Variants in TCEA1 observed in about 807,000 individuals in gnomAD.
TCEA1 encodes the protein transcription elongation factor A1.
TCEA1 carries 21 observed loss-of-function variants against 43.8 expected under a neutral mutation model. The ratio of observed to expected loss-of-function variants is 0.48; its 90% CI spans 0.34 to 0.69. TCEA1 has a LOEUF of 0.69. TCEA1 is among the 30% of genes least tolerant of loss of function. The pLI is 0.01. For synonymous variants in TCEA1, 104 were observed against 117.5 expected, an observed-to-expected ratio of 0.88 and a Z score of 0.75; for missense variants, 250 against 365.1, an observed-to-expected ratio of 0.68 and a Z score of 2.57.
At chr8:53,991,322 GACA>G (rs1287760347) in intron 4 of TCEA1, among the ~76,000 whole-genome samples, 210 of 151,850 alleles carry the variant, frequency 1.4e-3, no homozygotes, top group African/African-American at 4.9e-3. Context: ...GAACCTGGGG[GACA>G]GAGGTTGCAG....
At chr8:54,020,069 C>T (rs1804973213) in intron 1 of TCEA1, among the ~76,000 whole-genome samples, 1 of 152,130 alleles carries the variant, frequency 6.6e-6, no homozygotes. Context: ...CTTCTCCACA[C>T]CTGCCCACTA....
intron 6 of TCEA1, among the ~76,000 whole-genome samples, chr8:53,986,712 G>T (rs569397571): frequency 6.2e-4 from 95 of 152,292 alleles, no homozygotes; most frequent in Non-Finnish European, 1.3e-3. Flanking sequence ...GAAGGAAAAA[G>T]TCTAGCGTGG....
chr8:53,993,841 T>G, intron 3 of TCEA1, 86 bp from the exon 4 acceptor site: 1 of 1,035,728 alleles, frequency 9.7e-7, no homozygotes, highest in Non-Finnish European at 1.5e-6. Context: ...TTGCACAACA[T>G]GAACTAAAAT....
At chr8:54,011,150 T>A (rs889206133) in intron 1 of TCEA1, among the ~76,000 whole-genome samples, 13 of 152,214 alleles carry the variant, frequency 8.5e-5, no homozygotes, top group Non-Finnish European at 7.3e-5. Flanking sequence ...ATTTTAGAGT[T>A]GAAGTTTTTA....
chr8:53,996,183 A>G (rs1023587633), intron 3 of TCEA1, among the ~76,000 whole-genome samples: 3 of 152,366 alleles, frequency 2.0e-5, no homozygotes, highest in South Asian at 2.1e-4. Context: ...AATTAGTACA[A>G]TCCTTTTAGA....
At chr8:53,998,819 G>A (rs1014617037) in intron 3 of TCEA1, among the ~76,000 whole-genome samples, 1 of 152,162 alleles carries the variant, frequency 6.6e-6, no homozygotes, top group Admixed American at 6.5e-5. Context: ...CTTCAAATGA[G>A]AAAGGAACAT....
intron 1 of TCEA1, among the ~76,000 whole-genome samples, chr8:54,013,205 T>C (rs911818095): frequency 1.4e-4 from 22 of 152,336 alleles, no homozygotes; most frequent in African/African-American, 5.3e-4. Flanking sequence ...AGAGGCAATA[T>C]ATTTGCATTA....
intron 7 of TCEA1, among the ~76,000 whole-genome samples, chr8:53,982,800 G>A (rs1033568218): frequency 6.6e-6 from 1 of 152,094 alleles, no homozygotes; most frequent in African/African-American, 2.4e-5. Context: ...ACCTATTCCT[G>A]GTGAAGATGC....
At chr8:54,005,625 C>T (rs185871479) in intron 2 of TCEA1, among the ~76,000 whole-genome samples, 5 of 132,326 alleles carry the variant, frequency 3.8e-5, no homozygotes, top group African/African-American at 1.3e-4. Context: ...TAAATTCCTC[C>T]ACTCCTTCAC....
intron 6 of TCEA1, among the ~76,000 whole-genome samples, chr8:53,985,849 G>A (rs1048627883): frequency 6.6e-6 from 1 of 152,192 alleles, no homozygotes; most frequent in Non-Finnish European, 1.5e-5. Flanking sequence ...ATTTATATGT[G>A]TGTGCTTTCC....
Position 54,022,276 on chromosome 8 carries a change from C to CGCGGCGGCGGCGGCGGCGGCG in TCEA1, c.-172_-152dup, listed in dbSNP as rs58021302. ...GGCCCCCTTCCTTACGAACGAAGCC[C>CGCGGCGGCGGCGGCGGCGGCG]GCGGCGGCGGCGGCGGCGGCGGCGG... On this transcript the variant is annotated 5_prime_UTR_variant, in exon 1 of 10. Transcript: ENST00000521604. The CGCGGCGGCGGCGGCGGCGGCG allele has an allele frequency of 1.2e-5, 11 of 883,740 alleles. No homozygotes were observed. Among genetic ancestry groups the CGCGGCGGCGGCGGCGGCGGCG allele is most frequent in the Middle Eastern group, 3.4e-4 (1 of 2,966 alleles). 54.7% of individuals were successfully genotyped at this position (883,740 alleles called of 1,614,324 possible).
rs143434756 is a variant in TCEA1, at chr8:53,986,086, C to T, written c.523+883G>A. 1.7e-3 allele frequency among the ~76,000 whole-genome samples: 259 copies of T among 152,292 alleles called. 1 individual carries two copies. The highest frequency in any genetic ancestry group is 2.7e-3 in the Non-Finnish European group (186 of 68,032). Reference sequence around the variant, plus strand: ...TTCTATACCAACAGGAAAAATTAAGCTAGCAGATTACTTAAAACAATTATG... The same window carrying T: ...TTCTATACCAACAGGAAAAATTAAGTTAGCAGATTACTTAAAACAATTATG... On this transcript the variant is annotated intron_variant, in intron 6 of 9. Transcript: ENST00000521604.
chr8:53,999,006 A>AT (rs1470516154), intron 3 of TCEA1, among the ~76,000 whole-genome samples: 24 of 152,166 alleles, frequency 1.6e-4, no homozygotes, highest in Admixed American at 1.5e-3. Flanking sequence ...AGGCGGGCAG[A>AT]TCACAAGGTC....
intron 1 of TCEA1, among the ~76,000 whole-genome samples, chr8:54,017,961 AG>A (rs1340268055): frequency 3.3e-5 from 5 of 152,166 alleles, no homozygotes; most frequent in Non-Finnish European, 7.3e-5. Context: ...GCGGGTAGGG[AG>A]GGGGGATAGT....
At chr8:53,985,482 GTC>G (rs1030858792) in intron 6 of TCEA1, among the ~76,000 whole-genome samples, 11 of 152,080 alleles carry the variant, frequency 7.2e-5, no homozygotes, top group African/African-American at 1.9e-4. Context: ...GGATCCTAAA[GTC>G]TCTCTGGTCA....
intron 2 of TCEA1, among the ~76,000 whole-genome samples, chr8:54,007,660 CAAT>C (rs1375114097): frequency 6.6e-6 from 1 of 152,128 alleles, no homozygotes; most frequent in Non-Finnish European, 1.5e-5. Context: ...AAGAAATATT[CAAT>C]TTCAGTTAGC....
At chr8:54,020,853 G>A (rs867136965) in intron 1 of TCEA1, among the ~76,000 whole-genome samples, 1 of 152,144 alleles carries the variant, frequency 6.6e-6, no homozygotes, top group African/African-American at 2.4e-5. Flanking sequence ...AAAATGTGCC[G>A]AACGTGGTTA....
At chr8:53,989,599 TATG>T (rs1230015037) in intron 4 of TCEA1, among the ~76,000 whole-genome samples, 1 of 152,242 alleles carries the variant, frequency 6.6e-6, no homozygotes, top group African/African-American at 2.4e-5. Flanking sequence ...CAGGTTTGTA[TATG>T]ATAACTTTTC....
intron 3 of TCEA1, among the ~76,000 whole-genome samples, chr8:53,998,322 T>C (rs547190865): frequency 9.9e-5 from 15 of 152,270 alleles, no homozygotes; most frequent in Admixed American, 3.9e-4. Flanking sequence ...GGATAAAGGG[T>C]ACATGAGACC....
Sources: gnomAD v4.1 joint callset for allele counts (sites outside exome capture counted in the v4.1 genomes callset) on GRCh38, gnomAD v4.1.1 for gene constraint, MANE v1.5 for transcripts, NCBI Gene and HGNC (gene_info 2026-07-23, HGNC 2026-07-21) for gene names.